CDKAL1: variants seen among roughly 807,000 people sequenced by gnomAD.
The protein encoded by CDKAL1 is threonylcarbamoyladenosine tRNA methylthiotransferase.
A neutral mutation model predicts 68.2 loss-of-function variants in CDKAL1; 32 were observed. That is an observed-to-expected ratio of 0.47 (90% CI 0.35 to 0.63). CDKAL1 has a LOEUF of 0.63. Among genes scored for constraint, CDKAL1 ranks in the 30% least tolerant of loss-of-function variants. The pLI is 0.00. For synonymous variants in CDKAL1, 234 were observed against 244.3 expected, an observed-to-expected ratio of 0.96 and a Z score of 0.39; for missense variants, 606 against 696.7, an observed-to-expected ratio of 0.87 and a Z score of 1.47.
chr6:20,943,060 T>C (rs1003189249), intron 9 of CDKAL1, among the ~76,000 whole-genome samples: 13 of 151,102 alleles, frequency 8.6e-5, no homozygotes, highest in African/African-American at 1.5e-4. Flanking sequence ...CTGCTTTTTA[T>C]CTAGTATTGT....
At chr6:20,582,420 A>C (rs9465817) in intron 4 of CDKAL1, among the ~76,000 whole-genome samples, 3,664 of 152,288 alleles carry the variant, frequency 0.024, 135 homozygotes, top group African/African-American at 0.077. Context: ...TTAAAATAGC[A>C]TTATATGAGA....
chr6:20,818,858 T>G (rs1581639713), intron 8 of CDKAL1, among the ~76,000 whole-genome samples: 2 of 152,080 alleles, frequency 1.3e-5, no homozygotes, highest in Admixed American at 1.3e-4. Context: ...TTGTTCACCC[T>G]CTTATGGTAC....
At chr6:20,653,964 C>T (rs2127764526) in intron 5 of CDKAL1, among the ~76,000 whole-genome samples, 1 of 152,110 alleles carries the variant, frequency 6.6e-6, no homozygotes, top group East Asian at 1.9e-4. Flanking sequence ...CCAGGCTGGT[C>T]TTGAACTTCT....
At chr6:20,681,947 A>G (rs1438314483) in intron 5 of CDKAL1, among the ~76,000 whole-genome samples, 1 of 152,204 alleles carries the variant, frequency 6.6e-6, no homozygotes, top group Non-Finnish European at 1.5e-5. Context: ...TTTGATGTCT[A>G]GTGAGAACTC....
chr6:21,078,966 G>A (rs1446017129), intron 12 of CDKAL1, among the ~76,000 whole-genome samples: 1 of 152,186 alleles, frequency 6.6e-6, no homozygotes, highest in Non-Finnish European at 1.5e-5. Context: ...CTCAGTATGT[G>A]TTGGATTGAC....
intron 6 of CDKAL1, among the ~76,000 whole-genome samples, chr6:20,757,684 C>T (rs1449890879): frequency 6.6e-6 from 1 of 152,150 alleles, no homozygotes; most frequent in Non-Finnish European, 1.5e-5. Context: ...GTGGTTTCAT[C>T]TGAGGAGTGG....
At chr6:21,014,367 G>C (rs988712372) in intron 11 of CDKAL1, among the ~76,000 whole-genome samples, 1 of 152,168 alleles carries the variant, frequency 6.6e-6, no homozygotes, top group African/African-American at 2.4e-5. Flanking sequence ...ACTTTGGGAG[G>C]CCAAGGCAGG....
intron 8 of CDKAL1, among the ~76,000 whole-genome samples, chr6:20,822,320 C>T (rs1777319665): frequency 6.6e-6 from 1 of 152,058 alleles, no homozygotes. Context: ...TTATCTTCAC[C>T]AAATCAGTTT....
intron 9 of CDKAL1, among the ~76,000 whole-genome samples, chr6:20,905,983 T>C (rs909530887): frequency 1.3e-4 from 20 of 152,276 alleles, no homozygotes; most frequent in African/African-American, 4.8e-4. Flanking sequence ...GAAAGGACAC[T>C]GGACAATAAC....
intron 4 of CDKAL1, among the ~76,000 whole-genome samples, chr6:20,560,087 A>G (rs888121548): frequency 2.6e-5 from 4 of 152,176 alleles, no homozygotes; most frequent in African/African-American, 7.2e-5. Flanking sequence ...GATTAAAGAC[A>G]TGATGTATTT....
chr6:21,181,286 GGA>G (rs1256606391), intron 13 of CDKAL1, among the ~76,000 whole-genome samples: 1 of 152,174 alleles, frequency 6.6e-6, no homozygotes, highest in Non-Finnish European at 1.5e-5. Context: ...GAGTTTTGGA[GGA>G]GACATTTAGA....
At chr6:21,210,326 G>A (rs1779103135) in intron 15 of CDKAL1, among the ~76,000 whole-genome samples, 1 of 152,156 alleles carries the variant, frequency 6.6e-6, no homozygotes, top group Non-Finnish European at 1.5e-5. Flanking sequence ...TTAGGAGCTG[G>A]AGCCTTTGGG....
At chr6:20,697,543 T>C (rs1407264902) in intron 5 of CDKAL1, among the ~76,000 whole-genome samples, 1 of 152,200 alleles carries the variant, frequency 6.6e-6, no homozygotes, top group Non-Finnish European at 1.5e-5. Flanking sequence ...TGGTTCTTGA[T>C]TATTTTTGAG....
At chr6:21,024,176 G>A (rs1429722008) in intron 11 of CDKAL1, among the ~76,000 whole-genome samples, 2 of 152,184 alleles carry the variant, frequency 1.3e-5, no homozygotes, top group East Asian at 3.8e-4. Context: ...TCACTTTAGA[G>A]ATGAGTCAAT....
chr6:20,680,723 C>T (rs1770336516), intron 5 of CDKAL1, among the ~76,000 whole-genome samples: 1 of 152,188 alleles, frequency 6.6e-6, no homozygotes, highest in Non-Finnish European at 1.5e-5. Context: ...AAAACTTTTG[C>T]TTTCTGCATG....
intron 9 of CDKAL1, among the ~76,000 whole-genome samples, chr6:20,922,755 A>G (rs1345823553): frequency 6.6e-6 from 1 of 152,248 alleles, no homozygotes; most frequent in African/African-American, 2.4e-5. Flanking sequence ...GTGGTAACCC[A>G]TCACTTGGGA....
At chr6:21,016,602 C>T (rs893358760) in intron 11 of CDKAL1, among the ~76,000 whole-genome samples, 16 of 149,202 alleles carry the variant, frequency 1.1e-4, no homozygotes, top group African/African-American at 2.7e-4. Flanking sequence ...TCTGTCCCCA[C>T]GCCTTCCATT....
chr6:20,595,949 G>A (rs1422745899), intron 4 of CDKAL1, among the ~76,000 whole-genome samples: 1 of 152,166 alleles, frequency 6.6e-6, no homozygotes, highest in Non-Finnish European at 1.5e-5. Context: ...AGGGCTGGTG[G>A]AGTTTGCTGG....
At chr6:21,115,451 A>G (rs545023675) in intron 13 of CDKAL1, among the ~76,000 whole-genome samples, 3 of 152,318 alleles carry the variant, frequency 2.0e-5, no homozygotes, top group Non-Finnish European at 4.4e-5. Flanking sequence ...CCGGCACTCT[A>G]TGATAGCCAG....
Sources: allele counts gnomAD v4.1 joint callset (sites outside exome capture counted in the v4.1 genomes callset), GRCh38; gene constraint gnomAD v4.1.1; transcripts MANE v1.5; gene names NCBI Gene and HGNC (gene_info 2026-07-23, HGNC 2026-07-21).